Variants in CAB39L observed in about 807,000 individuals in gnomAD.
CAB39L encodes calcium binding protein 39 like, also known as calcium-binding protein 39-like.
CAB39L carries 23 observed loss-of-function variants against 39.1 expected under a neutral mutation model. The ratio of observed to expected loss-of-function variants is 0.59; its 90% CI spans 0.42 to 0.83. CAB39L has a LOEUF of 0.83. CAB39L is among the 40% of genes least tolerant of loss of function. The pLI, the probability that CAB39L is intolerant of heterozygous loss-of-function variation, is 0.00. For synonymous variants in CAB39L, 126 were observed against 137.2 expected, an observed-to-expected ratio of 0.92 and a Z score of 0.57; for missense variants, 366 against 391.9, an observed-to-expected ratio of 0.93 and a Z score of 0.56.
At chr13:49,390,158 G>A (rs1956456665) in intron 3 of CAB39L, among the ~76,000 whole-genome samples, 1 of 152,030 alleles carries the variant, frequency 6.6e-6, no homozygotes. Flanking sequence ...AAGTGTTGGG[G>A]TTACAGGTGT....
intron 5 of CAB39L, among the ~76,000 whole-genome samples, chr13:49,375,981 C>A (rs913905592): frequency 2.6e-5 from 4 of 152,346 alleles, no homozygotes; most frequent in African/African-American, 9.6e-5. Context: ...TGCACGCCTC[C>A]TGGCTCTGCA....
chr13:49,372,153 A>C (rs1268627313), intron 5 of CAB39L, among the ~76,000 whole-genome samples: 2 of 152,206 alleles, frequency 1.3e-5, no homozygotes, highest in Non-Finnish European at 1.5e-5. Context: ...TAGTAGCCAA[A>C]CCTCAAAAAA....
chr13:49,438,421 G>A (rs1473561590), intron 1 of CAB39L, among the ~76,000 whole-genome samples: 3 of 152,078 alleles, frequency 2.0e-5, no homozygotes, highest in Non-Finnish European at 2.9e-5. Flanking sequence ...CTGACCTTAT[G>A]TTGAAGATTT....
At chr13:49,394,216 A>T (rs1283705443) in intron 3 of CAB39L, among the ~76,000 whole-genome samples, 1 of 152,040 alleles carries the variant, frequency 6.6e-6, no homozygotes, top group East Asian at 1.9e-4. Context: ...AAGACAATTA[A>T]GAAAATCATT....
chr13:49,410,883 T>G (rs567737251), intron 3 of CAB39L, among the ~76,000 whole-genome samples: 2 of 152,280 alleles, frequency 1.3e-5, no homozygotes, highest in East Asian at 3.9e-4. Flanking sequence ...TCTGAAGACT[T>G]ATAAAACATG....
At chr13:49,392,643 A>G (rs1956514671) in intron 3 of CAB39L, among the ~76,000 whole-genome samples, 1 of 152,146 alleles carries the variant, frequency 6.6e-6, no homozygotes, top group Non-Finnish European at 1.5e-5. Flanking sequence ...CTCTGTCTCA[A>G]AAAAAACAAA....
At chr13:49,382,585 T>C in intron 4 of CAB39L, 1 of 438,678 alleles carries the variant, frequency 2.3e-6, no homozygotes, top group Non-Finnish European at 4.1e-6. Context: ...AGGGATCCGG[T>C]GTGGTCAGAG....
chr13:49,337,573 G>A (rs1427331449), intron 9 of CAB39L, among the ~76,000 whole-genome samples: 2 of 152,060 alleles, frequency 1.3e-5, no homozygotes, highest in Admixed American at 6.6e-5. Context: ...CCAGTTAATA[G>A]GTGCATAACC....
In CAB39L at chr13:49,359,194, T is replaced by C. The variant is rs550959322; in HGVS notation, c.395+520A>G. Among the ~76,000 whole-genome samples the C allele has an allele frequency of 1.6e-3, 244 of 152,228 alleles. 1 individual carries two copies. The highest frequency in any genetic ancestry group is 5.6e-3 in the African/African-American group (232 of 41,532). ...CCCAAGAAACATTTATAAATAAGTA[T>C]ACATAAAAATAATAATCAGGGATTC... On this transcript the variant is annotated intron_variant, in intron 6 of 10. Coordinates refer to ENST00000409308, the MANE Select transcript of CAB39L (RefSeq NM_001079670.3).
chr13:49,423,228 G>T (rs941793765), intron 3 of CAB39L, among the ~76,000 whole-genome samples: 7 of 152,290 alleles, frequency 4.6e-5, no homozygotes, highest in African/African-American at 1.7e-4. Context: ...ATAAATCTAG[G>T]GCAGGTGAGA....
At chr13:49,408,435 G>T (rs74073708) in intron 3 of CAB39L, among the ~76,000 whole-genome samples, 1 of 152,154 alleles carries the variant, frequency 6.6e-6, no homozygotes, top group Non-Finnish European at 1.5e-5. Flanking sequence ...AAAACAGACT[G>T]GAGCAATATA....
At chr13:49,332,378 C>T (rs7336018) in intron 9 of CAB39L, among the ~76,000 whole-genome samples, 44,949 of 151,998 alleles carry the variant, frequency 0.3, 8,090 homozygotes, top group African/African-American at 0.51. Context: ...TTTCAATACT[C>T]ACTTTAATTA....
At chr13:49,416,167 G>A (rs1310734528) in intron 3 of CAB39L, among the ~76,000 whole-genome samples, 3 of 152,292 alleles carry the variant, frequency 2.0e-5, no homozygotes, top group Admixed American at 1.3e-4. Flanking sequence ...CATGGATGGG[G>A]AGGTGCAACT....
intron 3 of CAB39L, among the ~76,000 whole-genome samples, chr13:49,384,855 G>A (rs1315849816): frequency 2.0e-5 from 3 of 152,326 alleles, no homozygotes; most frequent in Non-Finnish European, 2.9e-5. Flanking sequence ...AAAATATTCA[G>A]TAAACCATGC....
At chr13:49,401,724 G>A (rs1291468865) in intron 3 of CAB39L, 1 of 151,996 alleles carries the variant, frequency 6.6e-6, no homozygotes, top group East Asian at 1.9e-4. Flanking sequence ...TCATGCATGG[G>A]GTTTTGTCAA....
intron 3 of CAB39L, among the ~76,000 whole-genome samples, chr13:49,388,020 C>A (rs190452038): frequency 1.5e-4 from 23 of 152,252 alleles, no homozygotes; most frequent in Admixed American, 7.2e-4. Flanking sequence ...TCAAAGGGCT[C>A]ACGATGTAGT....
At chr13:49,392,936 T>C (rs959114994) in intron 3 of CAB39L, 5 of 152,082 alleles carry the variant, frequency 3.3e-5, no homozygotes, top group Non-Finnish European at 7.4e-5. Context: ...GAAAAAGTTA[T>C]CTAATAAAAT....
intron 1 of CAB39L, among the ~76,000 whole-genome samples, chr13:49,442,298 G>C (rs1957537382): frequency 6.6e-6 from 1 of 152,086 alleles, no homozygotes; most frequent in Non-Finnish European, 1.5e-5. Context: ...TCTACCATTA[G>C]ATATTTGTTA....
At chr13:49,402,460 C>A (rs1956794947) in intron 3 of CAB39L, among the ~76,000 whole-genome samples, 1 of 152,140 alleles carries the variant, frequency 6.6e-6, no homozygotes, top group South Asian at 2.1e-4. Context: ...AGTTCTGTTC[C>A]AGTTCCTTAG....
Sources: allele counts gnomAD v4.1 joint callset (sites outside exome capture counted in the v4.1 genomes callset), GRCh38; gene constraint gnomAD v4.1.1; transcripts MANE v1.5; gene names NCBI Gene and HGNC (gene_info 2026-07-23, HGNC 2026-07-21).